RASGRP3: variants seen among roughly 807,000 people sequenced by gnomAD.
RASGRP3 encodes the protein ras guanyl-releasing protein 3.
In RASGRP3, 54 loss-of-function variants were observed where a neutral mutation model predicts 82.7. The ratio of observed to expected loss-of-function variants is 0.65; its 90% confidence interval spans 0.52 to 0.82. RASGRP3 has a LOEUF of 0.82. Among genes scored for constraint, RASGRP3 ranks in the 40% least tolerant of loss-of-function variants. RASGRP3 has a pLI of 0.00. For synonymous variants in RASGRP3, 309 were observed against 300.5 expected, an observed-to-expected ratio of 1.03 and a Z score of -0.29; for missense variants, 861 against 828.9, an observed-to-expected ratio of 1.04 and a Z score of -0.48.
At chr2:33,524,680 G>T in intron 9 of RASGRP3, 132 bp downstream of exon 9, 1 of 648,212 alleles carries the variant, frequency 1.5e-6, no homozygotes, top group Non-Finnish European at 2.6e-6. Context: ...TTATAAATGG[G>T]GACAAAGTAG....
At chr2:33,510,506 C>T (rs1670827647) in intron 1 of RASGRP3, among the ~76,000 whole-genome samples, 2 of 152,206 alleles carry the variant, frequency 1.3e-5, no homozygotes, top group South Asian at 2.1e-4. Context: ...CTAATAGGTG[C>T]TCCAGTGTCA....
chr2:33,540,584 G>T (rs1674194347), intron 12 of RASGRP3, among the ~76,000 whole-genome samples: 1 of 111,634 alleles, frequency 9.0e-6, no homozygotes, highest in African/African-American at 2.8e-5. Flanking sequence ...GTGTGTGTGT[G>T]TGTGTGTGTG....
At chr2:33,554,592 C>T (rs1306764017) in intron 14 of RASGRP3, among the ~76,000 whole-genome samples, 1 of 152,090 alleles carries the variant, frequency 6.6e-6, no homozygotes, top group East Asian at 1.9e-4. Context: ...CCTGCCTCAG[C>T]CTCCCAAGTA....
At chr2:33,472,870 C>CAAAAAAAAAA (rs57159320), upstream of RASGRP3, among the ~76,000 whole-genome samples, 3 of 68,080 alleles carry the variant, frequency 4.4e-5, no homozygotes, top group Non-Finnish European at 5.9e-5. Flanking sequence ...GACTCCGTCT[C>CAAAAAAAAAA]AAAAAAAAAA....
chr2:33,464,975 C>G (rs1666607176), intron 2 of RASGRP3, among the ~76,000 whole-genome samples: 2 of 152,156 alleles, frequency 1.3e-5, no homozygotes. Context: ...AGTTAATAAT[C>G]TTAAAATGGC....
intron 1 of RASGRP3, among the ~76,000 whole-genome samples, chr2:33,477,404 C>A (rs1667473184): frequency 6.6e-6 from 1 of 152,224 alleles, no homozygotes; most frequent in Non-Finnish European, 1.5e-5. Context: ...CCCTGGTCTT[C>A]CTTCACCTTC....
chr2:33,538,548 A>G (rs1165745481), intron 11 of RASGRP3, among the ~76,000 whole-genome samples: 2 of 151,990 alleles, frequency 1.3e-5, no homozygotes, highest in African/African-American at 4.8e-5. Flanking sequence ...AAATAATAGA[A>G]TTTAAGTTGC....
intron 4 of RASGRP3, among the ~76,000 whole-genome samples, chr2:33,519,259 C>G (rs756723312): frequency 4.6e-5 from 7 of 152,158 alleles, no homozygotes; most frequent in African/African-American, 1.4e-4. Flanking sequence ...TTGACTGAAA[C>G]GTTGTTATGT....
At chr2:33,513,869 A>G (rs1671174048) in intron 2 of RASGRP3, 1 of 152,206 alleles carries the variant, frequency 6.6e-6, no homozygotes, top group South Asian at 2.1e-4. Context: ...GATGATGTGG[A>G]GGAGTGATAC....
intron 14 of RASGRP3, among the ~76,000 whole-genome samples, chr2:33,552,018 C>T (rs1675416276): frequency 7.5e-6 from 1 of 133,986 alleles, no homozygotes; most frequent in South Asian, 2.3e-4. Flanking sequence ...AACAAACAAA[C>T]AAACAAACAG....
At chr2:33,557,114 G>C (rs556652286) in intron 15 of RASGRP3, among the ~76,000 whole-genome samples, 3 of 152,236 alleles carry the variant, frequency 2.0e-5, no homozygotes, top group African/African-American at 7.2e-5. Flanking sequence ...CTTGATGGTA[G>C]GAGAGAAATG....
chr2:33,452,827 A>G (rs60396108), intron 2 of RASGRP3, among the ~76,000 whole-genome samples: 3,064 of 152,300 alleles, frequency 0.02, 69 homozygotes, highest in African/African-American at 0.063. Context: ...GCCTGATGCT[A>G]TAGAGGCCTG....
intron 1 of RASGRP3, among the ~76,000 whole-genome samples, chr2:33,497,360 G>T (rs145164615): frequency 3.9e-5 from 6 of 152,316 alleles, no homozygotes; most frequent in Admixed American, 3.9e-4. Context: ...GCAGACTTGT[G>T]AAATCCCCAC....
rs1574398761 is a variant in RASGRP3, at chr2:33,516,659, A to G, written c.173+15A>G. 6.8e-7 allele frequency: 1 copy of G among 1,461,214 alleles called. No homozygotes were observed. Among genetic ancestry groups the G allele is most frequent in the Non-Finnish European group, 9.4e-7 (1 of 1,058,948 alleles). The allele number at this position is 1,461,214 out of a possible 1,614,324, so 90.5% of individuals were successfully genotyped here. ...CTTCTCTGCATATATCTTTTCAACT[A>G]CTGTGTAATTTTTACAATCATAAAT... On this transcript the variant is annotated intron_variant, in intron 4 of 17. Coordinates refer to ENST00000403687, the MANE Select transcript of RASGRP3 (RefSeq NM_001139488.2).
chr2:33,470,541 G>A lies in RASGRP3; in HGVS notation c.-261+22598G>A, dbSNP rs561359720. On this transcript the variant is annotated intron_variant, in intron 2 of 18. Coordinates refer to the RASGRP3 transcript ENST00000402538. The stretch of plus-strand genomic sequence containing the variant: ...ACTACAGGCGCCCGCCACCATGCCC[G>A]GCTAATTTTTTGTATTTTTAGTAGA... Among the ~76,000 whole-genome samples, 644 of 151,910 alleles carry A rather than the reference G, an allele frequency of 4.2e-3. 2 individuals are homozygous for A. Among genetic ancestry groups the A allele is most frequent in the African/African-American group, 0.015 (612 of 41,458 alleles).
intron 1 of RASGRP3, among the ~76,000 whole-genome samples, chr2:33,486,756 G>T (rs1370610320): frequency 6.6e-6 from 1 of 152,152 alleles, no homozygotes; most frequent in Non-Finnish European, 1.5e-5. Flanking sequence ...AAAAGTCATT[G>T]TTCAAGAAGA....
At chr2:33,468,890 T>A (rs1479680218) in intron 2 of RASGRP3, among the ~76,000 whole-genome samples, 1 of 152,210 alleles carries the variant, frequency 6.6e-6, no homozygotes, top group African/African-American at 2.4e-5. Context: ...AACTGCTGAG[T>A]TAAAGGGTAT....
intron 9 of RASGRP3, among the ~76,000 whole-genome samples, chr2:33,525,300 C>G (rs1433464394): frequency 6.6e-6 from 1 of 151,264 alleles, no homozygotes; most frequent in Non-Finnish European, 1.5e-5. Flanking sequence ...AAGACATAGG[C>G]CTTGTATAGA....
chr2:33,558,091 C>T, intron 15 of RASGRP3, 120 bp from the exon 16 acceptor site: 1 of 1,355,134 alleles, frequency 7.4e-7, no homozygotes, highest in Admixed American at 2.0e-5. Context: ...GAGCTCAACT[C>T]TGAAATTCAA....
Sources: allele counts gnomAD v4.1 joint callset (sites outside exome capture counted in the v4.1 genomes callset), GRCh38; gene constraint gnomAD v4.1.1; transcripts MANE v1.5; gene names NCBI Gene and HGNC (gene_info 2026-07-23, HGNC 2026-07-21).